Variants in PDE8A observed in about 807,000 individuals in gnomAD.
The protein encoded by PDE8A is phosphodiesterase 8A.
In PDE8A, 59 loss-of-function variants were observed where a neutral mutation model predicts 105.0. The ratio of observed to expected loss-of-function variants is 0.56; its 90% confidence interval spans 0.46 to 0.70. PDE8A has a LOEUF of 0.70. PDE8A is among the 30% of genes least tolerant of loss of function. The pLI, the probability that PDE8A is intolerant of heterozygous loss-of-function variation, is 0.00. For synonymous variants in PDE8A, 355 were observed against 371.9 expected (o/e 0.95, Z 0.52); for missense variants, 1,014 against 1,045.9 (o/e 0.97, Z 0.42).
intron 3 of PDE8A, among the ~76,000 whole-genome samples, chr15:85,070,050 G>A (rs1555473470): frequency 6.6e-6 from 1 of 152,136 alleles, no homozygotes; most frequent in East Asian, 1.9e-4. Context: ...CCCCACCCCC[G>A]AACCAGCTTG....
intron 9 of PDE8A, among the ~76,000 whole-genome samples, chr15:85,099,563 T>A (rs1418548315): frequency 6.6e-6 from 1 of 152,214 alleles, no homozygotes; most frequent in Non-Finnish European, 1.5e-5. Context: ...GTTGCTTTGT[T>A]TTAGACATCT....
At chr15:85,037,071 T>TA (rs1434576847) in intron 1 of PDE8A, among the ~76,000 whole-genome samples, 1 of 151,832 alleles carries the variant, frequency 6.6e-6, no homozygotes. Flanking sequence ...ACTAATTTTT[T>TA]TTTTTTTTTT....
At chr15:85,102,699 C>T (rs943110025) in intron 11 of PDE8A, among the ~76,000 whole-genome samples, 2 of 151,610 alleles carry the variant, frequency 1.3e-5, no homozygotes, top group Admixed American at 6.6e-5. Context: ...ATTAGCCAGG[C>T]GTCGTGGCGC....
chr15:84,999,121 CTTTTTTTTTT>C (rs35710429), intron 1 of PDE8A, among the ~76,000 whole-genome samples: 1 of 131,508 alleles, frequency 7.6e-6, no homozygotes, highest in African/African-American at 2.9e-5. Context: ...AGGTCACATT[CTTTTTTTTTT>C]TTTTTTTGAG....
intron 19 of PDE8A, 110 bp downstream of exon 19, chr15:85,123,303 C>T: frequency 2.4e-6 from 2 of 850,650 alleles, no homozygotes; most frequent in South Asian, 3.0e-5. Flanking sequence ...CTCAGTGAGT[C>T]TATTAGACTC....
At chr15:85,049,590 C>G (rs1042119159) in intron 1 of PDE8A, among the ~76,000 whole-genome samples, 4 of 152,050 alleles carry the variant, frequency 2.6e-5, no homozygotes, top group Non-Finnish European at 5.9e-5. Context: ...TACATTTATT[C>G]TTTATTTTTT....
intron 1 of PDE8A, among the ~76,000 whole-genome samples, chr15:84,988,820 C>T (rs2079843395): frequency 6.6e-6 from 1 of 152,202 alleles, no homozygotes; most frequent in Non-Finnish European, 1.5e-5. Context: ...TTATATGCTG[C>T]TTGAGGGCAA....
At chr15:85,001,536 C>A (rs917506044) in intron 1 of PDE8A, among the ~76,000 whole-genome samples, 1 of 152,116 alleles carries the variant, frequency 6.6e-6, no homozygotes, top group Non-Finnish European at 1.5e-5. Context: ...GGAAGAAGGT[C>A]ACGGAGAATG....
At chr15:85,075,443 G>T (rs1253769862) in intron 3 of PDE8A, among the ~76,000 whole-genome samples, 1 of 152,162 alleles carries the variant, frequency 6.6e-6, no homozygotes, top group Non-Finnish European at 1.5e-5. Flanking sequence ...CAGCCCTTGG[G>T]CTCCTTTATC....
intron 1 of PDE8A, among the ~76,000 whole-genome samples, chr15:85,043,790 C>T (rs544853687): frequency 2.6e-5 from 4 of 152,102 alleles, no homozygotes; most frequent in African/African-American, 4.8e-5. Context: ...CTCTGCCTCC[C>T]GGGTTCAGGT....
rs2082086555 is a variant in PDE8A, at chr15:85,115,776, C to T, written c.1400-208C>T. ...CTCTACTGAAAATACAAAAAATTAG[C>T]CAGGCATGGTGGCAGGTGCCTGTAA... On this transcript the variant is annotated intron_variant, in intron 15 of 21. Transcript: ENST00000394553. The T allele has an allele frequency of 1.1e-5, 6 of 547,828 alleles. No individual in the cohort carries two copies. In the South Asian group the frequency reaches 1.4e-4, roughly 13 times the overall value. 33.9% of individuals were successfully genotyped at this position (547,828 alleles called of 1,614,324 possible).
At chr15:85,039,136 AAAG>A (rs988986987) in intron 1 of PDE8A, among the ~76,000 whole-genome samples, 1 of 152,052 alleles carries the variant, frequency 6.6e-6, no homozygotes, top group African/African-American at 2.4e-5. Context: ...AAAAAAAAAA[AAAG>A]AAAAGAGTGG....
intron 1 of PDE8A, among the ~76,000 whole-genome samples, chr15:85,000,227 C>G (rs772095759): frequency 2.6e-5 from 4 of 152,126 alleles, no homozygotes; most frequent in Non-Finnish European, 5.9e-5. Flanking sequence ...TTTTCTTTGC[C>G]TATTAACCAG....
chr15:85,035,623 A>G (rs907528717), intron 1 of PDE8A, among the ~76,000 whole-genome samples: 1 of 152,362 alleles, frequency 6.6e-6, no homozygotes, highest in South Asian at 2.1e-4. Context: ...TTAAAAATTC[A>G]AAACTAATAA....
chr15:85,076,856 C>A, intron 5 of PDE8A, 69 bp downstream of exon 5: 2 of 1,014,320 alleles, frequency 2.0e-6, no homozygotes, highest in Non-Finnish European at 3.1e-6. Context: ...CAGTTCAGTA[C>A]CCAGCAAAAG....
chr15:85,038,739 T>G (rs2080751185), intron 1 of PDE8A, among the ~76,000 whole-genome samples: 1 of 152,048 alleles, frequency 6.6e-6, no homozygotes, highest in Admixed American at 6.6e-5. Flanking sequence ...TGGAAAAAAA[T>G]GCTCAACACC....
chr15:85,079,770 G>A (rs1029607369), intron 5 of PDE8A, among the ~76,000 whole-genome samples: 3 of 152,102 alleles, frequency 2.0e-5, no homozygotes, highest in Admixed American at 6.5e-5. Context: ...AAAATTACCC[G>A]GGCATGGTGG....
chr15:85,102,661 G>T (rs1007414955), intron 11 of PDE8A, among the ~76,000 whole-genome samples: 2 of 151,764 alleles, frequency 1.3e-5, no homozygotes, highest in African/African-American at 4.8e-5. Flanking sequence ...CCAACATGGA[G>T]AAACCTCGTC....
At chr15:85,003,801 C>T (rs1027549140) in intron 1 of PDE8A, among the ~76,000 whole-genome samples, 7 of 152,192 alleles carry the variant, frequency 4.6e-5, no homozygotes, top group Non-Finnish European at 1.0e-4. Flanking sequence ...CTGCATTGCT[C>T]ATCACTTCTC....
Sources: gnomAD v4.1 joint callset for allele counts (sites outside exome capture counted in the v4.1 genomes callset) on GRCh38, gnomAD v4.1.1 for gene constraint, MANE v1.5 for transcripts, NCBI Gene and HGNC (gene_info 2026-07-23, HGNC 2026-07-21) for gene names.